Variants in ARHGEF28 observed in about 807,000 individuals in gnomAD.
ARHGEF28 encodes 190 kDa guanine nucleotide exchange factor.
A neutral mutation model predicts 206.6 loss-of-function variants in ARHGEF28; 152 were observed. That is an observed-to-expected ratio of 0.74 (90% CI 0.64 to 0.84). The LOEUF is 0.84. Ranked by LOEUF, ARHGEF28 falls within the 40% of genes least tolerant of loss-of-function variation. The pLI, the probability that ARHGEF28 is intolerant of heterozygous loss-of-function variation, is 0.00. For synonymous variants in ARHGEF28, 763 were observed against 776.4 expected, an observed-to-expected ratio of 0.98 and a Z score of 0.29; for missense variants, 2,028 against 2,073.2, an observed-to-expected ratio of 0.98 and a Z score of 0.42.
At chr5:73,626,551 G>A (rs62360971) in intron 1 of ARHGEF28, among the ~76,000 whole-genome samples, 59,316 of 151,594 alleles carry the variant, frequency 0.39, 12,839 homozygotes, top group East Asian at 0.64. Context: ...GCAGCCTCGT[G>A]CGGCGGCGGC....
intron 1 of ARHGEF28, among the ~76,000 whole-genome samples, chr5:73,680,696 G>A (rs1338282043): frequency 3.3e-5 from 5 of 152,034 alleles, no homozygotes. Flanking sequence ...AAAATTTTGA[G>A]TATATTTTAT....
chr5:73,877,741 T>A (rs1278900091), intron 22 of ARHGEF28, among the ~76,000 whole-genome samples: 1 of 151,524 alleles, frequency 6.6e-6, no homozygotes, highest in South Asian at 2.1e-4. Context: ...TTTGAGTGAG[T>A]TTCTTAATCC....
At chr5:73,908,322 A>G (rs879816667) in intron 33 of ARHGEF28, 2 of 152,200 alleles carry the variant, frequency 1.3e-5, no homozygotes, top group Non-Finnish European at 2.9e-5. Context: ...CTGACAAAGA[A>G]CATATGGTCA....
At chr5:73,837,993 G>C (rs1757762745) in intron 10 of ARHGEF28, among the ~76,000 whole-genome samples, 2 of 152,086 alleles carry the variant, frequency 1.3e-5, no homozygotes, top group African/African-American at 4.8e-5. Flanking sequence ...GCCCACCTTG[G>C]CCTCCCAAGT....
chr5:73,766,302 A>G (rs571022746), intron 4 of ARHGEF28, among the ~76,000 whole-genome samples: 1 of 152,352 alleles, frequency 6.6e-6, no homozygotes, highest in South Asian at 2.1e-4. Flanking sequence ...TGTATTGAAA[A>G]ATATTATTTG....
At chr5:73,627,254 C>T (rs1244699676) in intron 1 of ARHGEF28, 1 of 152,226 alleles carries the variant, frequency 6.6e-6, no homozygotes, top group Non-Finnish European at 1.5e-5. Flanking sequence ...TAGAGGTTCA[C>T]CACGGACCAC....
Position 73,940,877 on chromosome 5 carries a change from C to T in ARHGEF28, c.4982C>T (p.Pro1661Leu). 2.0e-6 allele frequency: 3 copies of T among 1,530,776 alleles called. No homozygotes were observed. The highest frequency in any genetic ancestry group is 1.7e-6 in the Non-Finnish European group (2 of 1,145,370). 94.8% of individuals were successfully genotyped at this position (1,530,776 alleles called of 1,614,324 possible). Reference protein sequence around the residue: ...LDTSHTESPTPHDSNSHRPQL... With the variant: ...LDTSHTESPTLHDSNSHRPQL... Reference sequence around the variant, plus strand: ...ACCTCCCACACTGAGTCCCCAACCCCCCATGACTCAAATTCACACCGCCCT... The same window carrying T: ...ACCTCCCACACTGAGTCCCCAACCCTCCATGACTCAAATTCACACCGCCCT... Residue 1661 changes from proline (P) to leucine (L), a missense_variant, in exon 36 of 36, where the codon CCC (proline) becomes CTC (leucine). Pro to Leu is a moderately conservative substitution (Grantham distance 98). Transcript: ENST00000513042.
At chr5:73,834,770 T>C (rs1174236373) in intron 10 of ARHGEF28, among the ~76,000 whole-genome samples, 1 of 152,174 alleles carries the variant, frequency 6.6e-6, no homozygotes, top group Non-Finnish European at 1.5e-5. Context: ...CTGTATAGAT[T>C]TGTAGCTTAG....
intron 21 of ARHGEF28, among the ~76,000 whole-genome samples, chr5:73,870,486 T>C (rs1195132075): frequency 6.6e-6 from 1 of 152,270 alleles, no homozygotes; most frequent in Non-Finnish European, 1.5e-5. Context: ...AGGCATAATA[T>C]GTACCTGGCA....
At chr5:73,882,710 AGAAG>A in intron 23 of ARHGEF28, 116 bp downstream of exon 23, 1 of 1,020,598 alleles carries the variant, frequency 9.8e-7, no homozygotes, top group East Asian at 3.1e-5. Flanking sequence ...CAGGGGAAGA[AGAAG>A]GGAGGTGGAA....
intron 9 of ARHGEF28, among the ~76,000 whole-genome samples, chr5:73,795,741 G>T (rs532088027): frequency 3.9e-4 from 59 of 152,284 alleles, no homozygotes; most frequent in Admixed American, 1.8e-3. Context: ...CTGGTGGAGA[G>T]TAGATGGTGG....
At chr5:73,864,907 C>T in intron 17 of ARHGEF28, 35 bp downstream of exon 17, 1 of 1,584,630 alleles carries the variant, frequency 6.3e-7, no homozygotes, top group Non-Finnish European at 8.6e-7. Context: ...ATATATGTGG[C>T]ATGGTTGCTT....
chr5:73,757,017 A>G (rs1752350334), intron 4 of ARHGEF28, among the ~76,000 whole-genome samples: 1 of 152,190 alleles, frequency 6.6e-6, no homozygotes, highest in Non-Finnish European at 1.5e-5. Context: ...CTCATTGCCT[A>G]TTCATAACCA....
chr5:73,872,104 C>T (rs1002445549), intron 21 of ARHGEF28, among the ~76,000 whole-genome samples: 2 of 152,160 alleles, frequency 1.3e-5, no homozygotes, highest in Admixed American at 6.5e-5. Context: ...TGCATTCCCA[C>T]CAGCAATGTA....
At chr5:73,928,927 C>T (rs946619978) in intron 35 of ARHGEF28, among the ~76,000 whole-genome samples, 2 of 150,408 alleles carry the variant, frequency 1.3e-5, no homozygotes, top group African/African-American at 5.0e-5. Flanking sequence ...GTTCTGACTT[C>T]TTTTTATTTA....
intron 1 of ARHGEF28, among the ~76,000 whole-genome samples, chr5:73,657,904 C>A (rs1201596683): frequency 6.6e-6 from 1 of 152,178 alleles, no homozygotes; most frequent in Non-Finnish European, 1.5e-5. Context: ...CCATTAAACC[C>A]AATCTTCTGG....
At chr5:73,893,151 C>A in intron 27 of ARHGEF28, 46 bp from the exon 28 acceptor site, 1 of 1,432,702 alleles carries the variant, frequency 7.0e-7, no homozygotes, top group Non-Finnish European at 9.4e-7. Flanking sequence ...TCTACAGATA[C>A]TTGCATTTGG....
In ARHGEF28 at chr5:73,806,372, C is replaced by T; in HGVS notation, c.1024+10981C>T. On this transcript the variant is annotated intron_variant, in intron 9 of 35. Transcript: ENST00000513042. ...TAGATATACTATCTATCTATATATA[C>T]TATATATAGATATATAGATATATAT... Among the ~76,000 whole-genome samples, 2 of 29,732 alleles carry T rather than the reference C, an allele frequency of 6.7e-5. 1 individual carries two copies. The highest frequency in any genetic ancestry group is 6.8e-3 in the East Asian group (2 of 296). 19.5% of individuals were successfully genotyped at this position (29,732 alleles called of 152,430 possible). A position where few individuals can be genotyped will look rare whatever the true frequency, so the allele number is the denominator to read the frequency against.
rs369448123 is a variant in ARHGEF28, at chr5:73,858,113, A to G, written c.1941A>G (p.Lys647=). ...CAAAAAGCAAGGATGCCAAAGATAA[A>G]GAGAAGCTGAATCGACATCAGTTTG... ...SKTKSKDAKD[K]EKLNRHQFAP... Residue 647 remains lysine, a synonymous_variant, in exon 16 of 36, where the codon AAA becomes AAG. Transcript: ENST00000513042. 1.6e-5 allele frequency: 26 copies of G among 1,610,826 alleles called. No homozygotes were observed. The highest frequency in any genetic ancestry group is 2.1e-5 in the Non-Finnish European group (25 of 1,179,020).
Sources: gnomAD v4.1 joint callset for allele counts (sites outside exome capture counted in the v4.1 genomes callset) on GRCh38, gnomAD v4.1.1 for gene constraint, MANE v1.5 for transcripts, NCBI Gene and HGNC (gene_info 2026-07-23, HGNC 2026-07-21) for gene names.